Variants in TBC1D9B observed in about 807,000 individuals in gnomAD.
The protein encoded by TBC1D9B is TBC1 domain family, member 9B (with GRAM domain).
A neutral mutation model predicts 121.1 loss-of-function variants in TBC1D9B; 87 were observed. The observed-to-expected ratio is 0.72, with a 90% CI of 0.60 to 0.86. The LOEUF (loss-of-function observed/expected upper bound fraction) is 0.86. TBC1D9B is among the 40% of genes least tolerant of loss of function. The pLI is 0.00. For missense variants in TBC1D9B, 1,540 were observed against 1,628.6 expected (o/e 0.95, Z 0.94); for synonymous variants, 668 against 670.1 (o/e 1.00, Z 0.05).
chr5:179,865,141 G>A lies in TBC1D9B; in HGVS notation c.3021+113C>T. Reference sequence around the variant, plus strand: ...AGGACTAACGGGCTCTAGAGGCAGGGAGGAGCCTTCCCACCCACCAGGAGA... The same window carrying A: ...AGGACTAACGGGCTCTAGAGGCAGGAAGGAGCCTTCCCACCCACCAGGAGA... On this transcript the variant is annotated intron_variant, in intron 20 of 20. Coordinates refer to ENST00000355235, the MANE Select transcript of TBC1D9B (RefSeq NM_015043.4). This position sits in a 1 kb window ranked among gnomAD's most constrained non-coding sequence, Gnocchi z 5.1. 2.0e-6 allele frequency: 2 copies of A among 1,004,596 alleles called. No homozygotes were observed. The highest frequency in any genetic ancestry group is 2.4e-5 in the East Asian group (1 of 41,810). 62.2% of individuals were successfully genotyped at this position (1,004,596 alleles called of 1,614,324 possible).
intron 4 of TBC1D9B, 71 bp from the exon 5 acceptor site, chr5:179,893,538 C>G (rs1760932823): frequency 2.6e-6 from 4 of 1,523,762 alleles, no homozygotes; most frequent in Admixed American, 4.0e-5. Flanking sequence ...CCCATCTGTA[C>G]CCCAGACCCA....
Position 179,879,075 on chromosome 5 carries a change from G to C in TBC1D9B, c.1539C>G (p.Leu513=). 6.2e-7 allele frequency: 1 copy of C among 1,605,114 alleles called. No individual in the cohort carries two copies. The highest frequency in any genetic ancestry group is 8.5e-7 in the Non-Finnish European group (1 of 1,179,924). Residue 513 remains leucine, a synonymous_variant, in exon 9 of 21, where the codon CTC becomes CTG. Coordinates refer to ENST00000355235, the MANE Select transcript of TBC1D9B (RefSeq NM_015043.4). ...ALVLKGIPES[L]RGELWLLFSG... ...AGAAGAGGAGCCACAGCTCTCCCCGGAGGCTCTCAGGGATACCCTTCAGGA... is the reference window on the plus strand; with the variant it reads ...AGAAGAGGAGCCACAGCTCTCCCCGCAGGCTCTCAGGGATACCCTTCAGGA...
intron 7 of TBC1D9B, 135 bp downstream of exon 7, chr5:179,887,968 C>T: frequency 9.0e-7 from 1 of 1,115,190 alleles, no homozygotes; most frequent in Non-Finnish European, 1.3e-6. Flanking sequence ...GGTCTCTTGC[C>T]AGCTCTGACA....
chr5:179,905,524 T>C (rs1251705855), intron 1 of TBC1D9B, among the ~76,000 whole-genome samples: 1 of 152,182 alleles, frequency 6.6e-6, no homozygotes, highest in Non-Finnish European at 1.5e-5. Flanking sequence ...AACTGAAACA[T>C]TTGAGGGCAT....
Position 179,863,717 on chromosome 5 carries a change from T to A in TBC1D9B, c.3433A>T (p.Thr1145Ser), listed in dbSNP as rs763676157. ...MSMSSYSVVS[T>S]GSLQCEDLAD... The stretch of plus-strand genomic sequence containing the variant: ...AGGTCTTCACATTGCAGGGAGCCCG[T>A]GCTGACCACCGAGTAGGAGGACATG... Residue 1145 changes from threonine to serine, a missense_variant, in exon 21 of 21, where the codon ACG becomes TCG. Thr to Ser is a moderately conservative substitution (Grantham distance 58). Coordinates refer to ENST00000355235, the MANE Select transcript of TBC1D9B (RefSeq NM_015043.4). The surrounding 1 kb of genome is among the most constrained non-coding windows in gnomAD (Gnocchi z 4.5). 1 of 1,613,552 alleles carries A rather than the reference T, an allele frequency of 6.2e-7. No individual in the cohort carries two copies. The highest frequency in any genetic ancestry group is 8.5e-7 in the Non-Finnish European group (1 of 1,179,978).
intron 10 of TBC1D9B, among the ~76,000 whole-genome samples, chr5:179,877,664 CAAAAAAAA>C (rs564753950): frequency 3.0e-5 from 2 of 66,696 alleles, no homozygotes; most frequent in African/African-American, 8.7e-5. Context: ...GATTCTATCT[CAAAAAAAA>C]AAAAAAAAAA....
chr5:179,894,255 G>T, intron 4 of TBC1D9B, 131 bp downstream of exon 4: 3 of 854,976 alleles, frequency 3.5e-6, no homozygotes, highest in Non-Finnish European at 5.4e-6. Context: ...GTCCCATCTT[G>T]GGCCGCTAAG....
rs1247176784 is a variant in TBC1D9B, at chr5:179,875,136, G to A, written c.1952C>T (p.Pro651Leu). ...GTCCTGCATCTTCTCCGAGAGCTGC[G>A]GCAGGAAGTCTCTCGTGAGCTCTTC... ...IFEELTRDFL[P>L]QLSEKMQDLG... The change falls in exon 12 of 21, where the codon CCG becomes CTG. Residue 651 changes from proline to leucine, a missense_variant. Pro to Leu is a moderately conservative substitution (Grantham distance 98). Coordinates refer to ENST00000355235, the MANE Select transcript of TBC1D9B (RefSeq NM_015043.4). This position sits in a 1 kb window ranked among gnomAD's most constrained non-coding sequence, Gnocchi z 4.5. 8.1e-6 allele frequency: 13 copies of A among 1,613,754 alleles called. No homozygotes were observed. The highest frequency in any genetic ancestry group is 2.7e-5 in the African/African-American group (2 of 74,922).
chr5:179,899,149 C>T, intron 3 of TBC1D9B, 40 bp downstream of exon 3: 1 of 1,530,928 alleles, frequency 6.5e-7, no homozygotes, highest in African/African-American at 1.4e-5. Flanking sequence ...CACTGCTGGC[C>T]AGGGAAGGGT....
chr5:179,898,519 G>A (rs2113646344), intron 3 of TBC1D9B, among the ~76,000 whole-genome samples: 1 of 151,798 alleles, frequency 6.6e-6, no homozygotes, highest in South Asian at 2.1e-4. Flanking sequence ...CACGATCTCA[G>A]CTCACTGCAA....
chr5:179,881,816 A>T (rs949551066), intron 7 of TBC1D9B, among the ~76,000 whole-genome samples: 1 of 152,152 alleles, frequency 6.6e-6, no homozygotes, highest in Non-Finnish European at 1.5e-5. Context: ...GCAATATTGA[A>T]ATTAGCTAGC....
chr5:179,891,391 T>A lies in TBC1D9B; in HGVS notation c.1032A>T (p.Ile344=). 6.2e-7 allele frequency: 1 copy of A among 1,614,052 alleles called. No individual in the cohort carries two copies. The highest frequency in any genetic ancestry group is 8.5e-7 in the Non-Finnish European group (1 of 1,180,002). The change falls in exon 6 of 21, where the codon ATA becomes ATT. Residue 344 remains isoleucine (I), a synonymous_variant. Transcript: ENST00000355235. The surrounding 1 kb of genome is among the most constrained non-coding windows in gnomAD (Gnocchi z 4.3). Reference sequence around the variant, plus strand: ...AGGGGATGCTGACCTCCCTCAGGGGTATGATGAGGTGGCAAGCGTCCTCCT... The same window carrying A: ...AGGGGATGCTGACCTCCCTCAGGGGAATGATGAGGTGGCAAGCGTCCTCCT... ...SKEEDACHLI[I]PLREVTIVEK... is the part of the protein sequence containing the mutation.
Position 179,894,535 on chromosome 5 carries a change from T to C in TBC1D9B, c.428A>G (p.Lys143Arg). The stretch of plus-strand genomic sequence containing the variant: ...AGGCATCCCAAACTGCTTCCGCATC[T>C]TCAGCTCAGCCTCCTTGAACTTCCC... ...DPGKFKEAEL[K>R]MRKQFGMPEG... Residue 143 changes from lysine to arginine, a missense_variant, in exon 4 of 21, where the codon AAG (lysine) becomes AGG (arginine). By Grantham distance (26) the Lys-to-Arg change is conservative (BLOSUM62 2). Coordinates refer to ENST00000355235, the MANE Select transcript of TBC1D9B (RefSeq NM_015043.4). The C allele has an allele frequency of 1.2e-6, 2 of 1,614,254 alleles. No individual in the cohort carries two copies. The highest frequency in any genetic ancestry group is 8.5e-7 in the Non-Finnish European group (1 of 1,180,040).
chr5:179,880,063 TG>T, intron 7 of TBC1D9B: 1 of 529,212 alleles, frequency 1.9e-6, no homozygotes. Flanking sequence ...GCTCACCCTG[TG>T]GGGCCCTTTT....
chr5:179,864,750 C>T (rs374303610), intron 20 of TBC1D9B, among the ~76,000 whole-genome samples: 3 of 152,338 alleles, frequency 2.0e-5, no homozygotes, highest in East Asian at 1.9e-4. Context: ...ACAGCTAGAC[C>T]GTGGGTCTGG....
chr5:179,889,187 G>A (rs1445601222), intron 6 of TBC1D9B, among the ~76,000 whole-genome samples: 2 of 152,058 alleles, frequency 1.3e-5, no homozygotes, highest in East Asian at 1.9e-4. Context: ...CCACCACCAC[G>A]CCCGGCTAAT....
rs376723332 is a variant in TBC1D9B at position 179,888,060 on chromosome 5, C to G, written c.1254+43G>C. 5 of 1,610,194 alleles carry G rather than the reference C, an allele frequency of 3.1e-6. No homozygotes were observed. The African/African-American group carries it at 6.7e-5, about 22-fold the overall frequency. ...GAGGCTGATGGATGCCCTGGCTCTT[C>G]CTGGGCCCAACTCGACCCTGCTGCT... On this transcript the variant is annotated intron_variant, in intron 7 of 20. Transcript: ENST00000355235.
At chr5:179,867,123 CTG>C (rs771143988) in intron 18 of TBC1D9B, 29 of 278,940 alleles carry the variant, frequency 1.0e-4, no homozygotes, top group Non-Finnish European at 1.6e-4. Flanking sequence ...CTCAGCCACA[CTG>C]TGTCTTTCAC....
At chr5:179,879,353 C>CTTGGG in intron 8 of TBC1D9B, 156 bp from the exon 9 acceptor site, 1 of 1,250,208 alleles carries the variant, frequency 8.0e-7, no homozygotes, top group Non-Finnish European at 1.1e-6. Flanking sequence ...CGCGCTGAGC[C>CTTGGG]ACACCTCCCA....
Sources: allele counts gnomAD v4.1 joint callset (sites outside exome capture counted in the v4.1 genomes callset), GRCh38; gene constraint gnomAD v4.1.1; non-coding constraint Gnocchi (gnomAD v3.1); transcripts MANE v1.5; gene names NCBI Gene and HGNC (gene_info 2026-07-23, HGNC 2026-07-21).